Variants in HLCS observed in about 807,000 individuals in gnomAD.
HLCS encodes the protein holocarboxylase synthetase, also known as biotin--protein ligase.
In HLCS, 53 loss-of-function variants were observed where a neutral mutation model predicts 75.0. The ratio of observed to expected loss-of-function variants is 0.71; its 90% CI spans 0.57 to 0.89. HLCS has a LOEUF of 0.89. HLCS is among the 40% of genes least tolerant of loss of function. The probability of loss-of-function intolerance (pLI) is 0.00; values close to 1 mark genes in which losing one functional copy is unlikely to be tolerated. For missense variants in HLCS, 966 were observed against 1,074.0 expected (o/e 0.90, Z 1.41); for synonymous variants, 431 against 428.6 (o/e 1.01, Z -0.07).
chr21:36,932,321 G>A (rs1447843618), intron 4 of HLCS, among the ~76,000 whole-genome samples: 1 of 152,104 alleles, frequency 6.6e-6, no homozygotes, highest in Non-Finnish European at 1.5e-5. Context: ...GGTAACATTG[G>A]TTTCATTGTT....
rs1404474403 is a variant in HLCS, at chr21:36,842,356, TGA to T, written c.1892+54502_1892+54503del. On this transcript the variant is annotated intron_variant, in intron 6 of 10. Coordinates refer to ENST00000674895, the MANE Select transcript of HLCS (RefSeq NM_001352514.2). This position sits in a 1 kb window ranked among gnomAD's most constrained non-coding sequence, Gnocchi z 4.2. Reference sequence around the variant, plus strand: ...ACCCATTTCTTGATCTGGCTACATGTGAGAGAGTTTAGGCCGTAAAAATTCAA... The same window carrying T: ...ACCCATTTCTTGATCTGGCTACATGTGAGAGTTTAGGCCGTAAAAATTCAA... 4.6e-5 allele frequency among the ~76,000 whole-genome samples: 7 copies of T among 152,192 alleles called. No individual in the cohort carries two copies. The highest frequency in any genetic ancestry group is 1.4e-4 in the African/African-American group (6 of 41,446).
Position 36,799,636 on chromosome 21 carries a change from C to T in HLCS, c.1893-32351G>A, listed in dbSNP as rs181198468. The stretch of plus-strand genomic sequence containing the variant: ...CAGACATAGAGAAGGGAAGGGGCTG[C>T]GGCCTGAACACCCCACCTGCATGCT... On this transcript the variant is annotated intron_variant, in intron 6 of 10. Transcript: ENST00000674895. Among the ~76,000 whole-genome samples the T allele has an allele frequency of 1.3e-3, 201 of 152,220 alleles. 1 individual carries two copies. The highest frequency in any genetic ancestry group is 4.6e-3 in the African/African-American group (189 of 41,538).
In HLCS at chr21:36,874,410, A is replaced by AT. The variant is rs1569130974; in HGVS notation, c.1892+22449_1892+22450insA. Among the ~76,000 whole-genome samples the AT allele has an allele frequency of 6.5e-5, 3 of 46,032 alleles. No homozygotes were observed. The African/African-American group carries it at 9.6e-4, about 15-fold the overall frequency. 30.2% of individuals were successfully genotyped at this position (46,032 alleles called of 152,430 possible). On this transcript the variant is annotated intron_variant, in intron 6 of 10. Transcript: ENST00000674895. ...GAGCGAGACTCCGTCTCAAAAAAATAAAATAAAATAAAATAAAATAAAATA... is the reference window on the plus strand; with the variant it reads ...GAGCGAGACTCCGTCTCAAAAAAATATAAATAAAATAAAATAAAATAAAATA...
At chr21:36,861,070 T>C (rs1009702613) in intron 6 of HLCS, among the ~76,000 whole-genome samples, 1 of 152,240 alleles carries the variant, frequency 6.6e-6, no homozygotes, top group African/African-American at 2.4e-5. Context: ...ATTTATGGAA[T>C]GCTGACCAGG....
chr21:36,785,523 C>A (rs2060661692), intron 6 of HLCS, among the ~76,000 whole-genome samples: 1 of 152,198 alleles, frequency 6.6e-6, no homozygotes, highest in Non-Finnish European at 1.5e-5. Flanking sequence ...TCTGTGCTGG[C>A]AAGACATTTT....
At chr21:36,843,097 T>C (rs2062670770) in intron 6 of HLCS, among the ~76,000 whole-genome samples, 1 of 152,222 alleles carries the variant, frequency 6.6e-6, no homozygotes, top group Non-Finnish European at 1.5e-5. Flanking sequence ...ACCCAACTTC[T>C]TTTAATTAAA....
Position 36,756,705 on chromosome 21 carries a change from G to A in HLCS, c.2287C>T (p.Leu763Phe), listed in dbSNP as rs745756038. The change falls in exon 10 of 11, where the codon CTC becomes TTC. Residue 763 changes from leucine (L) to phenylalanine (F), a missense_variant. Coordinates refer to ENST00000674895, the MANE Select transcript of HLCS (RefSeq NM_001352514.2). ...NSNPTICINDLITEYNKQHKA... is the reference protein window; with the variant it reads ...NSNPTICINDFITEYNKQHKA... The stretch of plus-strand genomic sequence containing the variant: ...TGTTGTTTATTGTATTCTGTGATGA[G>A]GTCGTTGATGCAGATGGTAGGGTTA... The A allele has an allele frequency of 6.2e-7, 1 of 1,614,156 alleles. No homozygotes were observed. The highest frequency in any genetic ancestry group is 1.7e-5 in the Admixed American group (1 of 60,024).
chr21:36,962,653 C>T (rs546215407), intron 1 of HLCS, among the ~76,000 whole-genome samples: 1 of 151,856 alleles, frequency 6.6e-6, no homozygotes, highest in East Asian at 1.9e-4. Context: ...ATGAGTTGGG[C>T]ATGGGGGTGG....
rs184164372 is a variant in HLCS at position 36,919,307 on chromosome 21, G to A, written c.1620+10944C>T. ...GTAAAGTTCAACAGTTACTTTGAAAGAAAAAAAGTTTTCTTAAATATAAGA... is the reference window on the plus strand; with the variant it reads ...GTAAAGTTCAACAGTTACTTTGAAAAAAAAAAAGTTTTCTTAAATATAAGA... On this transcript the variant is annotated intron_variant, in intron 5 of 10. Coordinates refer to ENST00000674895, the MANE Select transcript of HLCS (RefSeq NM_001352514.2). 3.6e-3 allele frequency among the ~76,000 whole-genome samples: 555 copies of A among 152,238 alleles called. 5 individuals carry two copies. The highest frequency in any genetic ancestry group is 0.013 in the African/African-American group (521 of 41,544).
intron 4 of HLCS, among the ~76,000 whole-genome samples, chr21:36,931,458 G>A (rs759887153): frequency 1.6e-4 from 25 of 152,068 alleles, no homozygotes; most frequent in African/African-American, 4.1e-4. Context: ...TTTTAAGAGC[G>A]TTTGCAGGAG....
intron 6 of HLCS, among the ~76,000 whole-genome samples, chr21:36,820,651 G>A (rs577269967): frequency 1.2e-4 from 18 of 152,374 alleles, no homozygotes; most frequent in Non-Finnish European, 2.5e-4. Context: ...AGGGGGCGCT[G>A]AGGGCAGTTT....
chr21:36,772,312 T>C (rs1048112598), intron 6 of HLCS, among the ~76,000 whole-genome samples: 4 of 152,132 alleles, frequency 2.6e-5, no homozygotes, highest in Admixed American at 6.5e-5. Context: ...TATCGTAGAA[T>C]GATTCTCTTT....
At chr21:36,769,646 C>T (rs1432323572) in intron 6 of HLCS, among the ~76,000 whole-genome samples, 1 of 152,226 alleles carries the variant, frequency 6.6e-6, no homozygotes, top group African/African-American at 2.4e-5. Flanking sequence ...TCAGGAAAAG[C>T]GCTCTGTTTT....
chr21:36,982,393 TA>T (rs2069139929), intron 1 of HLCS, among the ~76,000 whole-genome samples: 1 of 152,210 alleles, frequency 6.6e-6, no homozygotes, highest in Admixed American at 6.5e-5. Context: ...TCCAGCAAGC[TA>T]ATTAATGTGC....
intron 6 of HLCS, among the ~76,000 whole-genome samples, chr21:36,767,512 C>CA (rs1568979272): frequency 6.6e-6 from 1 of 151,942 alleles, no homozygotes; most frequent in Non-Finnish European, 1.5e-5. Flanking sequence ...CTTTTAACAT[C>CA]AAAAAAAGAG....
intron 6 of HLCS, among the ~76,000 whole-genome samples, chr21:36,794,455 G>A (rs763197486): frequency 1.4e-4 from 21 of 152,202 alleles, no homozygotes; most frequent in Non-Finnish European, 2.4e-4. Context: ...CAGAGGCAGC[G>A]GCAAGGCCAA....
chr21:36,881,618 T>C (rs926661315), intron 6 of HLCS, among the ~76,000 whole-genome samples: 1 of 152,198 alleles, frequency 6.6e-6, no homozygotes, highest in Non-Finnish European at 1.5e-5. Context: ...GAAATCCCCA[T>C]TGCCGTAATT....
intron 5 of HLCS, among the ~76,000 whole-genome samples, chr21:36,912,854 C>G (rs546707163): frequency 6.6e-6 from 1 of 152,174 alleles, no homozygotes; most frequent in African/African-American, 2.4e-5. Flanking sequence ...GTGCTCTCCT[C>G]TGGGTCCCTC....
intron 6 of HLCS, among the ~76,000 whole-genome samples, chr21:36,830,270 G>A (rs2062156197): frequency 6.6e-6 from 1 of 152,194 alleles, no homozygotes. Context: ...ATGAATGTCT[G>A]TTGTTGAAGC....
Sources: gnomAD v4.1 joint callset for allele counts (sites outside exome capture counted in the v4.1 genomes callset) on GRCh38, gnomAD v4.1.1 for gene constraint, Gnocchi (gnomAD v3.1) non-coding constraint, MANE v1.5 for transcripts, NCBI Gene and HGNC (gene_info 2026-07-23, HGNC 2026-07-21) for gene names.